SNX30: variants seen among roughly 807,000 people sequenced by gnomAD.
SNX30 encodes sorting nexin-30.
In SNX30, 24 loss-of-function variants were observed where a neutral mutation model predicts 46.4. The observed-to-expected ratio is 0.52, with a 90% CI of 0.37 to 0.73. The LOEUF (loss-of-function observed/expected upper bound fraction) is 0.73, where lower values mean the gene tolerates loss of function less well. Among genes scored for constraint, SNX30 ranks in the 30% least tolerant of loss-of-function variants. The probability of loss-of-function intolerance (pLI) is 0.00; values close to 1 mark genes in which losing one functional copy is unlikely to be tolerated. For missense variants in SNX30, 533 were observed against 555.7 expected (o/e 0.96, Z 0.41); for synonymous variants, 189 against 211.5 (o/e 0.89, Z 0.92).
rs147394290 is a variant in SNX30 at position 112,824,186 on chromosome 9, A to G, written c.459+6371A>G. Among the ~76,000 whole-genome samples, 38 of 152,294 alleles carry G rather than the reference A, an allele frequency of 2.5e-4. No homozygotes were observed. The East Asian group carries it at 5.2e-3, about 21-fold the overall frequency. On this transcript the variant is annotated intron_variant, in intron 3 of 8. Transcript: ENST00000374232. ...ATTGACAGTCTACAACAAATATGCT[A>G]TTGTTTCAGATTATAAAACAGCTTT... is the stretch of plus-strand genomic sequence containing the variant.
At chr9:112,850,559 G>A (rs905603968) in intron 6 of SNX30, among the ~76,000 whole-genome samples, 2 of 152,258 alleles carry the variant, frequency 1.3e-5, no homozygotes, top group Admixed American at 6.5e-5. Flanking sequence ...TCCCAGCAGC[G>A]TGACAATGGA....
chr9:112,793,025 C>A (rs1285248048), intron 1 of SNX30, among the ~76,000 whole-genome samples: 1 of 151,838 alleles, frequency 6.6e-6, no homozygotes, highest in Admixed American at 6.6e-5. Flanking sequence ...TTTCTTAGGT[C>A]TGAGTGATGA....
At chr9:112,829,428 TG>T (rs1840628344) in intron 3 of SNX30, among the ~76,000 whole-genome samples, 1 of 152,138 alleles carries the variant, frequency 6.6e-6, no homozygotes, top group African/African-American at 2.4e-5. Flanking sequence ...CAAGCCACCA[TG>T]CCCAGCTAAT....
intron 1 of SNX30, among the ~76,000 whole-genome samples, chr9:112,784,369 C>T (rs7859381): frequency 0.89 from 134,760 of 152,192 alleles, 59,843 homozygotes; most frequent in Middle Eastern, 0.93. Flanking sequence ...GCTTAACAGC[C>T]GTTACCTGTG....
At chr9:112,814,628 C>T (rs1332403349) in intron 2 of SNX30, among the ~76,000 whole-genome samples, 2 of 152,178 alleles carry the variant, frequency 1.3e-5, no homozygotes, top group African/African-American at 4.8e-5. Flanking sequence ...GGATGTTCAA[C>T]CCCAATAGTA....
chr9:112,785,772 A>G (rs544925645), intron 1 of SNX30, among the ~76,000 whole-genome samples: 78 of 152,274 alleles, frequency 5.1e-4, no homozygotes, highest in South Asian at 1.5e-3. Flanking sequence ...GGCTCAAGCA[A>G]TCCTCCCACC....
chr9:112,834,928 TAAAGAAGGAAGC>T (rs972145724), intron 4 of SNX30, among the ~76,000 whole-genome samples: 4 of 147,100 alleles, frequency 2.7e-5, no homozygotes, highest in Non-Finnish European at 4.4e-5. Context: ...AATGAAGGCC[TAAAGAAGGAAGC>T]GAAGAAGGAA....
At chr9:112,759,498 G>A (rs1459986137) in intron 1 of SNX30, among the ~76,000 whole-genome samples, 1 of 152,064 alleles carries the variant, frequency 6.6e-6, no homozygotes. Context: ...GGGAGGCCGA[G>A]GCAGGCAGAT....
rs180714824 is a variant in SNX30 at position 112,761,880 on chromosome 9, A to T, written c.156+10723A>T. Among the ~76,000 whole-genome samples the T allele has an allele frequency of 1.6e-3, 246 of 150,810 alleles. 2 individuals carry two copies. The highest frequency in any genetic ancestry group is 6.8e-3 in the Middle Eastern group (2 of 292). ...TAGATGTATAATCCCAGTAGATCCA[A>T]ATAGAGACTGGAATAGAAGATGGAG... On this transcript the variant is annotated intron_variant, in intron 1 of 8. Transcript: ENST00000374232.
chr9:112,832,817 A>AT (rs1377434447), intron 4 of SNX30, among the ~76,000 whole-genome samples: 2 of 146,464 alleles, frequency 1.4e-5, no homozygotes, highest in Non-Finnish European at 3.0e-5. Context: ...TATATATTAT[A>AT]TATTAATATA....
intron 1 of SNX30, among the ~76,000 whole-genome samples, chr9:112,768,211 A>AT (rs1839577278): frequency 6.6e-6 from 1 of 151,790 alleles, no homozygotes; most frequent in South Asian, 2.1e-4. Context: ...CTGCCAAGTG[A>AT]TTTTCCTCGT....
In SNX30 at chr9:112,817,230, G is replaced by A. The variant is rs78001623; in HGVS notation, c.349-475G>A. Among the ~76,000 whole-genome samples, 1,517 of 152,048 alleles carry A rather than the reference G, an allele frequency of 1.0e-2. 35 individuals carry two copies. The highest frequency in any genetic ancestry group is 0.034 in the African/African-American group (1,429 of 41,432). On this transcript the variant is annotated intron_variant, in intron 2 of 8. Coordinates refer to ENST00000374232, the MANE Select transcript of SNX30 (RefSeq NM_001012994.2). ...GTCAGCATATTTAGCAGAAGGTGGA[G>A]ACAATTTCTTTTCACAGATTTGGAT... is the stretch of plus-strand genomic sequence containing the variant.
chr9:112,862,987 G>A (rs1177535508), intron 7 of SNX30, among the ~76,000 whole-genome samples: 1 of 152,010 alleles, frequency 6.6e-6, no homozygotes, highest in East Asian at 1.9e-4. Context: ...AGCTCATCCT[G>A]GTTTCACCCA....
Position 112,755,447 on chromosome 9 carries a change from C to T in SNX30, c.156+4290C>T, listed in dbSNP as rs142805134. On this transcript the variant is annotated intron_variant, in intron 1 of 8. Transcript: ENST00000374232. ...GGGGTCAGATTATATTGAATGTGGC[C>T]GGTCACCCTGAGGACTTTGGCCTTT... 1.1e-3 allele frequency among the ~76,000 whole-genome samples: 165 copies of T among 151,786 alleles called. 1 individual carries two copies. In the Middle Eastern group the frequency reaches 0.014, roughly 13 times the overall value.
intron 3 of SNX30, among the ~76,000 whole-genome samples, chr9:112,818,230 C>T (rs1266612876): frequency 1.4e-5 from 2 of 146,818 alleles, no homozygotes; most frequent in South Asian, 2.1e-4. Flanking sequence ...GAGACAGAGT[C>T]GCACTCTCTT....
chr9:112,847,745 T>G (rs1840961441), intron 6 of SNX30, among the ~76,000 whole-genome samples: 1 of 152,202 alleles, frequency 6.6e-6, no homozygotes, highest in South Asian at 2.1e-4. Context: ...GTTCTAATGT[T>G]TTAAAAAATA....
intron 1 of SNX30, among the ~76,000 whole-genome samples, chr9:112,760,605 A>C (rs1203550308): frequency 6.6e-6 from 1 of 152,152 alleles, no homozygotes; most frequent in African/African-American, 2.4e-5. Flanking sequence ...TAGGAGAGGA[A>C]GAGGGGCAAG....
chr9:112,853,481 T>C (rs1458560666), intron 7 of SNX30, among the ~76,000 whole-genome samples: 2 of 152,228 alleles, frequency 1.3e-5, no homozygotes, highest in Admixed American at 6.5e-5. Flanking sequence ...AGGAATGACA[T>C]AGGATGATTT....
At chr9:112,863,651 T>TA (rs1370237203) in intron 7 of SNX30, among the ~76,000 whole-genome samples, 1 of 152,224 alleles carries the variant, frequency 6.6e-6, no homozygotes, top group African/African-American at 2.4e-5. Flanking sequence ...ACTCTCCATT[T>TA]AAAAGTATCT....
Sources: gnomAD v4.1 joint callset for allele counts (sites outside exome capture counted in the v4.1 genomes callset) on GRCh38, gnomAD v4.1.1 for gene constraint, MANE v1.5 for transcripts, NCBI Gene and HGNC (gene_info 2026-07-23, HGNC 2026-07-21) for gene names.